SESN3: variants seen among roughly 807,000 people sequenced by gnomAD.
SESN3 encodes sestrin-3.
In SESN3, 21 loss-of-function variants were observed where a neutral mutation model predicts 55.3. That is an observed-to-expected ratio of 0.38 (90% CI 0.27 to 0.55). The LOEUF (loss-of-function observed/expected upper bound fraction) is 0.55. SESN3 is among the 20% of genes least tolerant of loss of function. SESN3 has a pLI of 0.76. For missense variants in SESN3, 408 were observed against 604.3 expected (o/e 0.68, Z 3.41); for synonymous variants, 181 against 203.1 (o/e 0.89, Z 0.93).
At chr11:95,174,063 A>G (rs1293641423) in intron 9 of SESN3, among the ~76,000 whole-genome samples, 1 of 152,192 alleles carries the variant, frequency 6.6e-6, no homozygotes, top group Non-Finnish European at 1.5e-5. Context: ...GAAAATCTAG[A>G]GCAAACATAT....
intron 4 of SESN3, among the ~76,000 whole-genome samples, chr11:95,188,532 C>T (rs1400930327): frequency 6.6e-6 from 1 of 151,762 alleles, no homozygotes; most frequent in Non-Finnish European, 1.5e-5. Flanking sequence ...CTTCCCAGTT[C>T]CCACCTTACA....
chr11:95,178,869 A>C, intron 6 of SESN3, 41 bp from the exon 7 acceptor site: 1 of 1,177,408 alleles, frequency 8.5e-7, no homozygotes, highest in Non-Finnish European at 1.3e-6. Context: ...AGGATACTGT[A>C]CGTGGTTATG....
rs1860145643 is a variant in SESN3, at chr11:95,185,435, C to A, written c.583G>T (p.Val195Phe). 6.2e-7 allele frequency: 1 copy of A among 1,613,146 alleles called. No individual in the cohort carries two copies. The highest frequency in any genetic ancestry group is 8.5e-7 in the Non-Finnish European group (1 of 1,179,378). Residue 195 changes from valine to phenylalanine, a missense_variant, in exon 5 of 10, where the codon GTC becomes TTC. By Grantham distance (50) the Val-to-Phe change is conservative. Coordinates refer to ENST00000536441, the MANE Select transcript of SESN3 (RefSeq NM_144665.4). ...WSLPELVHAVVLLAHYHALAS... is the reference protein window; with the variant it reads ...WSLPELVHAVFLLAHYHALAS... ...AAAGCATGATAATGTGCCAGGAGGA[C>A]CACAGCATGTACCAGTTCAGGCAGA...
At chr11:95,221,171 G>T (rs1453417255) in intron 1 of SESN3, among the ~76,000 whole-genome samples, 1 of 152,110 alleles carries the variant, frequency 6.6e-6, no homozygotes, top group Non-Finnish European at 1.5e-5. Flanking sequence ...GGGTATGGTG[G>T]TGGGTGCTTG....
intron 1 of SESN3, among the ~76,000 whole-genome samples, chr11:95,219,487 T>C (rs1471523722): frequency 6.6e-6 from 1 of 152,184 alleles, no homozygotes; most frequent in Non-Finnish European, 1.5e-5. Context: ...TGTGTTACCT[T>C]AAAGACAAAA....
intron 1 of SESN3, among the ~76,000 whole-genome samples, chr11:95,212,584 AAGT>A (rs1354879062): frequency 5.9e-5 from 9 of 152,190 alleles, no homozygotes; most frequent in African/African-American, 2.2e-4. Flanking sequence ...TATGGTATAA[AAGT>A]AGAGCAATAC....
intron 1 of SESN3, among the ~76,000 whole-genome samples, chr11:95,208,487 AG>A (rs1860591078): frequency 1.3e-5 from 2 of 151,544 alleles, no homozygotes; most frequent in Admixed American, 6.6e-5. Flanking sequence ...TATAACTATC[AG>A]AGCATATGGG....
At chr11:95,211,324 C>G (rs1860651106) in intron 1 of SESN3, among the ~76,000 whole-genome samples, 1 of 152,200 alleles carries the variant, frequency 6.6e-6, no homozygotes, top group Admixed American at 6.5e-5. Flanking sequence ...CACTGTTGAT[C>G]TCATCTGTCC....
rs1430814890 is a variant in SESN3, at chr11:95,170,461, C to G, written c.*2794G>C. 6.6e-6 allele frequency: 1 copy of G among 152,144 alleles called. No individual in the cohort carries two copies. The highest frequency in any genetic ancestry group is 2.4e-5 in the African/African-American group (1 of 41,426). The allele number at this position is 152,144 out of a possible 1,614,324, so 9.4% of individuals were successfully genotyped here. ...TACACTTGCACATTTAAGTTTGGCA[C>G]AATGTGAGCGCAAGGTGTAGATCAG... On this transcript the variant is annotated 3_prime_UTR_variant, in exon 10 of 10. Coordinates refer to ENST00000536441, the MANE Select transcript of SESN3 (RefSeq NM_144665.4).
chr11:95,215,231 G>A (rs1025556715), intron 1 of SESN3, among the ~76,000 whole-genome samples: 7 of 124,594 alleles, frequency 5.6e-5, no homozygotes, highest in Non-Finnish European at 1.1e-4. Context: ...CCCATCCCCA[G>A]AATTTCAAAA....
chr11:95,229,130 C>T (rs1861001644), intron 1 of SESN3, among the ~76,000 whole-genome samples: 2 of 152,292 alleles, frequency 1.3e-5, no homozygotes, highest in African/African-American at 2.4e-5. Flanking sequence ...CCAGGCTGCA[C>T]TTTAATCAAA....
At chr11:95,205,081 G>A (rs1860523997) in intron 1 of SESN3, among the ~76,000 whole-genome samples, 1 of 152,106 alleles carries the variant, frequency 6.6e-6, no homozygotes, top group African/African-American at 2.4e-5. Flanking sequence ...GAAAAGGATA[G>A]TTAAGTCTAT....
chr11:95,210,710 G>C (rs1044403968), intron 1 of SESN3, among the ~76,000 whole-genome samples: 1 of 152,054 alleles, frequency 6.6e-6, no homozygotes, highest in Non-Finnish European at 1.5e-5. Flanking sequence ...TATTAAAACA[G>C]AAAGGAAGAC....
intron 1 of SESN3, among the ~76,000 whole-genome samples, chr11:95,210,752 T>G (rs1860639718): frequency 1.3e-5 from 2 of 152,176 alleles, no homozygotes; most frequent in Admixed American, 1.3e-4. Flanking sequence ...TATACTAGAT[T>G]CAAGACTCTT....
At chr11:95,214,107 G>T (rs1430431836) in intron 1 of SESN3, among the ~76,000 whole-genome samples, 1 of 152,060 alleles carries the variant, frequency 6.6e-6, no homozygotes, top group Admixed American at 6.6e-5. Flanking sequence ...CATTGCCATG[G>T]AGACAGTTCT....
intron 1 of SESN3, among the ~76,000 whole-genome samples, chr11:95,202,638 A>G (rs1860479495): frequency 6.6e-6 from 1 of 152,110 alleles, no homozygotes; most frequent in African/African-American, 2.4e-5. Flanking sequence ...GATACAAAAT[A>G]TAGCTGTTGA....
At position 95,165,683 on chromosome 11, in the gene SESN3, AAAG is replaced by A. The variant is rs1042612160; in HGVS notation, c.*7569_*7571del. Reference sequence around the variant, plus strand: ...TAAATAGATTTTCAAAATGTCATAAAAAGTGCAGTTATGAATTGTTAACATGTT... The same window carrying A: ...TAAATAGATTTTCAAAATGTCATAAATGCAGTTATGAATTGTTAACATGTT... On this transcript the variant is annotated 3_prime_UTR_variant, in exon 10 of 10. Coordinates refer to ENST00000536441, the MANE Select transcript of SESN3 (RefSeq NM_144665.4). 6.6e-6 allele frequency: 1 copy of A among 152,190 alleles called. No individual in the cohort carries two copies. The highest frequency in any genetic ancestry group is 2.4e-5 in the African/African-American group (1 of 41,450). 9.4% of individuals were successfully genotyped at this position (152,190 alleles called of 1,614,324 possible). A position where few individuals can be genotyped will look rare whatever the true frequency, so the allele number is the denominator to read the frequency against.
In SESN3 at chr11:95,231,095, C is replaced by T; in HGVS notation, c.-235G>A. 2.4e-6 allele frequency: 1 copy of T among 417,002 alleles called. No individual in the cohort carries two copies. The highest frequency in any genetic ancestry group is 4.2e-6 in the Non-Finnish European group (1 of 237,682). 25.8% of individuals were successfully genotyped at this position (417,002 alleles called of 1,614,324 possible). On this transcript the variant is annotated 5_prime_UTR_variant, in exon 1 of 10. Transcript: ENST00000536441. ...GACGGCGGCGGCTGCTCCTCACCGG[C>T]CCGTTGTTCCACCCGCCCCCATCTT...
At chr11:95,184,988 G>T (rs1351122656) in intron 5 of SESN3, among the ~76,000 whole-genome samples, 1 of 151,936 alleles carries the variant, frequency 6.6e-6, no homozygotes. Context: ...GGGATCTACT[G>T]TCCAAAGGGT....
Sources: gnomAD v4.1 joint callset for allele counts (sites outside exome capture counted in the v4.1 genomes callset) on GRCh38, gnomAD v4.1.1 for gene constraint, MANE v1.5 for transcripts, NCBI Gene and HGNC (gene_info 2026-07-23, HGNC 2026-07-21) for gene names.